KDM4B: variants seen among roughly 807,000 people sequenced by gnomAD.
KDM4B encodes the protein lysine-specific demethylase 4B.
A neutral mutation model predicts 125.2 loss-of-function variants in KDM4B; 32 were observed. The ratio of observed to expected loss-of-function variants is 0.26; its 90% CI spans 0.19 to 0.34. KDM4B has a LOEUF of 0.34. Ranked by LOEUF, KDM4B falls within the 10% of genes least tolerant of loss-of-function variation. The pLI is 1.00. For synonymous variants in KDM4B, 721 were observed against 677.9 expected, an observed-to-expected ratio of 1.06 and a Z score of -0.99; for missense variants, 1,190 against 1,577.7, an observed-to-expected ratio of 0.75 and a Z score of 4.16.
intron 9 of KDM4B, among the ~76,000 whole-genome samples, chr19:5,087,879 T>C (rs1188620519): frequency 2.0e-5 from 3 of 152,202 alleles, no homozygotes; most frequent in African/African-American, 7.2e-5. Flanking sequence ...TTTCATTCAC[T>C]GCACTCGAGT....
At chr19:4,999,005 C>T (rs1223604020) in intron 1 of KDM4B, among the ~76,000 whole-genome samples, 1 of 152,152 alleles carries the variant, frequency 6.6e-6, no homozygotes, top group Non-Finnish European at 1.5e-5. Flanking sequence ...GTTTCCCCAC[C>T]CTAACATTAC....
chr19:4,990,602 A>G (rs1388498320), intron 1 of KDM4B, among the ~76,000 whole-genome samples: 2 of 152,186 alleles, frequency 1.3e-5, no homozygotes, highest in Non-Finnish European at 2.9e-5. Context: ...TACTGTCATT[A>G]TGGAAGTTGG....
At chr19:4,976,545 AAAGG>A (rs2145298354) in intron 1 of KDM4B, among the ~76,000 whole-genome samples, 1 of 152,334 alleles carries the variant, frequency 6.6e-6, no homozygotes, top group African/African-American at 2.4e-5. Flanking sequence ...GGTTTGTTTA[AAAGG>A]AAGACAGCAT....
intron 2 of KDM4B, among the ~76,000 whole-genome samples, chr19:5,024,329 G>A (rs1395334917): frequency 6.6e-6 from 1 of 152,138 alleles, no homozygotes; most frequent in Non-Finnish European, 1.5e-5. Flanking sequence ...CAGCCAGACT[G>A]TCCCCACCTG....
Position 5,053,896 on chromosome 19 carries a change from T to C in KDM4B, c.626+6227T>C, listed in dbSNP as rs1016856205. On this transcript the variant is annotated intron_variant, in intron 6 of 22. Transcript: ENST00000159111. ...CTGGCTCTGGGTCCACATGGGTTGC[T>C]GCGTGGCCAGGCACACCTGGTGCCC... 6.6e-5 allele frequency among the ~76,000 whole-genome samples: 10 copies of C among 152,222 alleles called. No individual in the cohort carries two copies. The South Asian group carries it at 2.1e-3, about 31-fold the overall frequency.
At chr19:4,973,900 C>T (rs1474051564) in intron 1 of KDM4B, among the ~76,000 whole-genome samples, 5 of 149,088 alleles carry the variant, frequency 3.4e-5, no homozygotes, top group South Asian at 4.2e-4. Context: ...GAGGCTGAGG[C>T]GGGCGGATCA....
At chr19:5,092,116 C>T (rs546732441) in intron 9 of KDM4B, among the ~76,000 whole-genome samples, 10 of 152,302 alleles carry the variant, frequency 6.6e-5, no homozygotes, top group East Asian at 1.9e-4. Context: ...CATGCTGGCT[C>T]TTGGCCTAGT....
Position 5,132,353 on chromosome 19 carries a change from G to A in KDM4B, c.1906+346G>A, listed in dbSNP as rs562560829. 1.4e-4 allele frequency among the ~76,000 whole-genome samples: 22 copies of A among 152,292 alleles called. No homozygotes were observed. The South Asian group carries it at 2.1e-3, about 14-fold the overall frequency. ...GGAGAGGTTGGAACAAAAGGCTCCC[G>A]CGAAGCTTTGAGTGGGAGGGGAGGA... On this transcript the variant is annotated intron_variant, in intron 13 of 22. Coordinates refer to ENST00000159111, the MANE Select transcript of KDM4B (RefSeq NM_015015.3).
At chr19:5,149,496 C>T (rs2039909419) in intron 21 of KDM4B, among the ~76,000 whole-genome samples, 1 of 152,180 alleles carries the variant, frequency 6.6e-6, no homozygotes, top group Non-Finnish European at 1.5e-5. Context: ...ATGTGAAAAG[C>T]GAGCCCTCTG....
At position 5,135,434 on chromosome 19, in the gene KDM4B, C is replaced by T. The variant is rs1264831351; in HGVS notation, c.2181C>T (p.Leu727=). The change falls in exon 15 of 23, where the codon CTC becomes CTT. Residue 727 remains leucine (L), a synonymous_variant. Coordinates refer to ENST00000159111, the MANE Select transcript of KDM4B (RefSeq NM_015015.3). ...AAAGCCGTCAGAAGACCCGACCGCT[C>T]ATCCCTGAGATGTGCTTCACCTCTG... is the stretch of plus-strand genomic sequence containing the variant. The part of the protein sequence containing the change: ...PSKSRQKTRP[L]IPEMCFTSGG... The T allele has an allele frequency of 6.2e-7, 1 of 1,613,634 alleles. No individual in the cohort carries two copies. The highest frequency in any genetic ancestry group is 1.1e-5 in the South Asian group (1 of 91,090).
chr19:5,110,490 G>T (rs183806667), intron 9 of KDM4B, 132 bp from the exon 10 acceptor site: 132 of 801,728 alleles, frequency 1.6e-4, no homozygotes, highest in Non-Finnish European at 1.9e-4. Context: ...AAATGTTCTA[G>T]AAGCGGAATG....
At chr19:5,139,818 C>T (rs1312713271) in intron 18 of KDM4B, among the ~76,000 whole-genome samples, 1 of 152,232 alleles carries the variant, frequency 6.6e-6, no homozygotes, top group Non-Finnish European at 1.5e-5. Flanking sequence ...ACTCTTGGTG[C>T]ACATTGAGGC....
rs113475629 is a variant in KDM4B at position 5,090,048 on chromosome 19, C to A, written c.918+7544C>A. On this transcript the variant is annotated intron_variant, in intron 9 of 22. Coordinates refer to ENST00000159111, the MANE Select transcript of KDM4B (RefSeq NM_015015.3). ...GACAAAAACACAAAAACTGTGAAGA[C>A]CCCCAAAGCCTGGCCCCCTTCCTCC... Among the ~76,000 whole-genome samples the A allele has an allele frequency of 7.2e-5, 11 of 152,294 alleles. 1 individual carries two copies. Among genetic ancestry groups the A allele is most frequent in the African/African-American group, 2.4e-4 (10 of 41,558 alleles).
intron 6 of KDM4B, among the ~76,000 whole-genome samples, chr19:5,069,250 C>A (rs11085111): frequency 6.6e-6 from 1 of 152,144 alleles, no homozygotes; most frequent in South Asian, 2.1e-4. Flanking sequence ...TTAGAGGCTC[C>A]GTGATGTTCG....
intron 11 of KDM4B, among the ~76,000 whole-genome samples, chr19:5,121,480 C>T (rs1023144368): frequency 5.3e-5 from 8 of 152,142 alleles, no homozygotes; most frequent in African/African-American, 1.4e-4. Context: ...CCTGGTGACT[C>T]GGGGATCGAG....
At chr19:4,981,339 C>A (rs987668050) in intron 1 of KDM4B, among the ~76,000 whole-genome samples, 4 of 152,140 alleles carry the variant, frequency 2.6e-5, no homozygotes, top group Non-Finnish European at 4.4e-5. Flanking sequence ...TGTCACCCCG[C>A]TGTCTGGTTA....
chr19:5,090,258 C>T (rs1453093930), intron 9 of KDM4B, among the ~76,000 whole-genome samples: 1 of 152,044 alleles, frequency 6.6e-6, no homozygotes, highest in Non-Finnish European at 1.5e-5. Context: ...GCTGCATGCC[C>T]TGGCCTCGCC....
At chr19:5,026,282 C>T (rs1425079982) in intron 2 of KDM4B, among the ~76,000 whole-genome samples, 1 of 151,776 alleles carries the variant, frequency 6.6e-6, no homozygotes, top group Non-Finnish European at 1.5e-5. Flanking sequence ...TGTGCGGCCT[C>T]CCAAAGTGCT....
chr19:5,122,517 A>G (rs1160067921), intron 11 of KDM4B, among the ~76,000 whole-genome samples: 1 of 152,274 alleles, frequency 6.6e-6, no homozygotes, highest in Non-Finnish European at 1.5e-5. Flanking sequence ...ACAAAGCAGG[A>G]AAGTATATAA....
Sources: gnomAD v4.1 joint callset for allele counts (sites outside exome capture counted in the v4.1 genomes callset) on GRCh38, gnomAD v4.1.1 for gene constraint, MANE v1.5 for transcripts, NCBI Gene and HGNC (gene_info 2026-07-23, HGNC 2026-07-21) for gene names.